GABRB2: variants seen among roughly 807,000 people sequenced by gnomAD.
GABRB2 encodes gamma-aminobutyric acid receptor subunit beta-2.
GABRB2 carries 16 observed loss-of-function variants against 54.7 expected under a neutral mutation model. The observed-to-expected ratio is 0.29, with a 90% CI of 0.20 to 0.44. The LOEUF (loss-of-function observed/expected upper bound fraction) is 0.44. Among genes scored for constraint, GABRB2 ranks in the 20% least tolerant of loss-of-function variants. The pLI, the probability that GABRB2 is intolerant of heterozygous loss-of-function variation, is 1.00. For missense variants in GABRB2, 355 were observed against 644.0 expected (o/e 0.55, Z 4.86); for synonymous variants, 244 against 233.8 (o/e 1.04, Z -0.40).
chr5:161,408,376 C>G (rs1384269088), intron 5 of GABRB2, among the ~76,000 whole-genome samples: 1 of 152,098 alleles, frequency 6.6e-6, no homozygotes, highest in African/African-American at 2.4e-5. Flanking sequence ...ATCTATCTCT[C>G]TCACCTCAAT....
intron 3 of GABRB2, among the ~76,000 whole-genome samples, chr5:161,522,612 A>G (rs1217416870): frequency 6.6e-6 from 1 of 151,386 alleles, no homozygotes; most frequent in Non-Finnish European, 1.5e-5. Flanking sequence ...TAACTCAAAG[A>G]TTTTGAGGAT....
intron 4 of GABRB2, among the ~76,000 whole-genome samples, chr5:161,413,261 A>G (rs569972905): frequency 6.6e-6 from 1 of 152,158 alleles, no homozygotes; most frequent in African/African-American, 2.4e-5. Flanking sequence ...ATTTTATTAC[A>G]TTATTTCTCT....
At chr5:161,538,668 A>C (rs1760718753) in intron 3 of GABRB2, among the ~76,000 whole-genome samples, 1 of 152,146 alleles carries the variant, frequency 6.6e-6, no homozygotes, top group Non-Finnish European at 1.5e-5. Flanking sequence ...TATTAAAAAT[A>C]CAAAAATTAG....
chr5:161,344,965 G>T (rs1754277467), intron 5 of GABRB2, among the ~76,000 whole-genome samples: 1 of 152,038 alleles, frequency 6.6e-6, no homozygotes, highest in Non-Finnish European at 1.5e-5. Flanking sequence ...AACACCACAT[G>T]TTCTCACTCA....
intron 5 of GABRB2, among the ~76,000 whole-genome samples, chr5:161,403,614 A>G (rs1371310409): frequency 6.6e-6 from 1 of 152,160 alleles, no homozygotes; most frequent in Non-Finnish European, 1.5e-5. Flanking sequence ...AAAAAGAAAG[A>G]GAAACACAGC....
chr5:161,432,251 C>T (rs932824405), intron 4 of GABRB2, among the ~76,000 whole-genome samples: 3 of 152,306 alleles, frequency 2.0e-5, no homozygotes, highest in Non-Finnish European at 4.4e-5. Flanking sequence ...ACTTGGTCTG[C>T]CTCATAGCAG....
intron 3 of GABRB2, among the ~76,000 whole-genome samples, chr5:161,465,391 C>T (rs1267083048): frequency 6.6e-6 from 1 of 152,084 alleles, no homozygotes; most frequent in Non-Finnish European, 1.5e-5. Flanking sequence ...CAACAATGCA[C>T]TTAGAGTAGG....
At chr5:161,419,722 C>T (rs564653975) in intron 4 of GABRB2, among the ~76,000 whole-genome samples, 8 of 152,160 alleles carry the variant, frequency 5.3e-5, no homozygotes, top group East Asian at 3.8e-4. Flanking sequence ...AAGGTAAATA[C>T]GGCATGTTCC....
intron 7 of GABRB2, 38 bp downstream of exon 7, chr5:161,334,714 C>T (rs768715586): frequency 5.0e-6 from 8 of 1,607,620 alleles, no homozygotes; most frequent in Non-Finnish European, 6.8e-6. Flanking sequence ...AATGTACACA[C>T]AGAGTCAAAA....
intron 3 of GABRB2, among the ~76,000 whole-genome samples, chr5:161,544,235 C>A (rs941610212): frequency 6.6e-6 from 1 of 152,126 alleles, no homozygotes; most frequent in Non-Finnish European, 1.5e-5. Context: ...CAGAACTATG[C>A]CAAAACACAA....
chr5:161,416,229 C>T (rs374929190), intron 4 of GABRB2, among the ~76,000 whole-genome samples: 1 of 152,098 alleles, frequency 6.6e-6, no homozygotes, highest in African/African-American at 2.4e-5. Flanking sequence ...GATGAGCCAC[C>T]ATGCCCAGCC....
rs79650588 is a variant in GABRB2 at position 161,413,155 on chromosome 5, A to G, written c.459-2098T>C. Among the ~76,000 whole-genome samples, 349 of 152,290 alleles carry G rather than the reference A, an allele frequency of 2.3e-3. 2 individuals are homozygous for G. Among genetic ancestry groups the G allele is most frequent in the African/African-American group, 7.8e-3 (324 of 41,572 alleles). On this transcript the variant is annotated intron_variant, in intron 4 of 9. Transcript: ENST00000393959. Reference sequence around the variant, plus strand: ...GTTCTATTTGCTGTTAAGGAACTCAATAAGTATATGATGGATGAATAAATA... The same window carrying G: ...GTTCTATTTGCTGTTAAGGAACTCAGTAAGTATATGATGGATGAATAAATA...
chr5:161,451,083 T>TACTC (rs1404879736), intron 4 of GABRB2, among the ~76,000 whole-genome samples: 14 of 152,232 alleles, frequency 9.2e-5, no homozygotes, highest in African/African-American at 2.2e-4. Context: ...GTGAGATGAC[T>TACTC]ACTCAGTCAT....
intron 3 of GABRB2, among the ~76,000 whole-genome samples, chr5:161,529,346 A>G (rs1345736181): frequency 2.0e-5 from 3 of 151,970 alleles, no homozygotes; most frequent in Non-Finnish European, 4.4e-5. Context: ...ACTACTAACA[A>G]TCAACCTGGG....
chr5:161,307,374 A>G (rs533900735), intron 9 of GABRB2, among the ~76,000 whole-genome samples: 9 of 152,376 alleles, frequency 5.9e-5, no homozygotes, highest in African/African-American at 1.9e-4. Flanking sequence ...TAAGGACTCA[A>G]TAAATATCTG....
chr5:161,330,862 G>A (rs377504424), intron 8 of GABRB2, 21 bp downstream of exon 8: 3 of 1,613,982 alleles, frequency 1.9e-6, no homozygotes, highest in Non-Finnish European at 1.7e-6. Flanking sequence ...GAAGCAAGGA[G>A]GGCTTGCCCT....
chr5:161,359,039 T>C (rs977501008), intron 5 of GABRB2, among the ~76,000 whole-genome samples: 3 of 152,128 alleles, frequency 2.0e-5, no homozygotes, highest in Admixed American at 2.0e-4. Flanking sequence ...TGAAAATCTG[T>C]GGGTGGCAAC....
At position 161,472,524 on chromosome 5, in the gene GABRB2, T is replaced by A. The variant is rs144231064; in HGVS notation, c.238-12680A>T. Among the ~76,000 whole-genome samples the A allele has an allele frequency of 5.6e-3, 792 of 141,002 alleles. 4 individuals carry two copies. Among genetic ancestry groups the A allele is most frequent in the Non-Finnish European group, 8.4e-3 (548 of 65,126 alleles). The allele number at this position is 141,002 out of a possible 152,430, so 92.5% of individuals were successfully genotyped here. On this transcript the variant is annotated intron_variant, in intron 3 of 9. Coordinates refer to ENST00000393959, the MANE Select transcript of GABRB2 (RefSeq NM_001371727.1). ...TACATAAAATAAATTATTTCTCGGGTGGGGGTGGGGAGATGAATGTCAGTC... is the reference window on the plus strand; with the variant it reads ...TACATAAAATAAATTATTTCTCGGGAGGGGGTGGGGAGATGAATGTCAGTC...
At chr5:161,334,658 C>A in intron 7 of GABRB2, 94 bp downstream of exon 7, 1 of 1,304,882 alleles carries the variant, frequency 7.7e-7, no homozygotes, top group East Asian at 2.3e-5. Flanking sequence ...TTGCGTCATG[C>A]ACCACAAATT....
Sources: allele counts gnomAD v4.1 joint callset (sites outside exome capture counted in the v4.1 genomes callset), GRCh38; gene constraint gnomAD v4.1.1; transcripts MANE v1.5; gene names NCBI Gene and HGNC (gene_info 2026-07-23, HGNC 2026-07-21).